PLCG2: variants seen among roughly 807,000 people sequenced by gnomAD.
The protein encoded by PLCG2 is phospholipase C gamma 2.
In PLCG2, 69 loss-of-function variants were observed where a neutral mutation model predicts 175.6. The ratio of observed to expected loss-of-function variants is 0.39; its 90% CI spans 0.32 to 0.48. The LOEUF (loss-of-function observed/expected upper bound fraction) is 0.48. PLCG2 is among the 20% of genes least tolerant of loss of function. PLCG2 has a pLI of 0.91. For synonymous variants in PLCG2, 827 were observed against 624.0 expected (o/e 1.33, Z -4.85); for missense variants, 1,798 against 1,650.9 (o/e 1.09, Z -1.54).
intron 12 of PLCG2, among the ~76,000 whole-genome samples, chr16:81,895,403 C>T (rs1223313673): frequency 3.3e-5 from 5 of 151,962 alleles, no homozygotes; most frequent in African/African-American, 1.2e-4. Context: ...TACTAAAATA[C>T]AAAAAAATTA....
chr16:81,826,837 G>A (rs182410245), intron 2 of PLCG2, among the ~76,000 whole-genome samples: 103 of 152,294 alleles, frequency 6.8e-4, no homozygotes, highest in Non-Finnish European at 1.2e-3. Flanking sequence ...CAAGGCTGCC[G>A]GAGACAATTT....
intron 2 of PLCG2, among the ~76,000 whole-genome samples, chr16:81,843,627 A>T (rs1210429260): frequency 6.6e-6 from 1 of 152,352 alleles, no homozygotes; most frequent in South Asian, 2.1e-4. Flanking sequence ...CCCATTGCTA[A>T]GCATGTTTGC....
intron 1 of PLCG2, among the ~76,000 whole-genome samples, chr16:81,782,118 C>T (rs1277855621): frequency 1.3e-5 from 2 of 152,012 alleles, no homozygotes; most frequent in African/African-American, 2.4e-5. Flanking sequence ...CCTCATGATC[C>T]GCCCACCTCG....
chr16:81,828,786 G>C (rs943721755), intron 2 of PLCG2, among the ~76,000 whole-genome samples: 1 of 152,196 alleles, frequency 6.6e-6, no homozygotes, highest in Non-Finnish European at 1.5e-5. Context: ...TGAGTGCCTG[G>C]TGAAGTCGGG....
rs543220131 is a variant in PLCG2 at position 81,750,663 on chromosome 16, A to ATTTTTTT, written c.-144-5191_-144-5185dup. Among the ~76,000 whole-genome samples, 35 of 68,456 alleles carry ATTTTTTT rather than the reference A, an allele frequency of 5.1e-4. 6 individuals carry two copies. The highest frequency in any genetic ancestry group is 1.4e-3 in the African/African-American group (28 of 19,854). The allele number at this position is 68,456 out of a possible 152,430, so 44.9% of individuals were successfully genotyped here. On this transcript the variant is annotated intron_variant, in intron 1 of 5. Transcript: ENST00000565054. ...TTAAAAAGCAGAATGGGGACTGGAG[A>ATTTTTTT]TTTTTTTTTTTTTTTTTTTTTTGAG...
At chr16:81,909,788 C>T (rs4369658) in intron 17 of PLCG2, among the ~76,000 whole-genome samples, 58,946 of 152,030 alleles carry the variant, frequency 0.39, 12,474 homozygotes, top group East Asian at 0.8. Context: ...GGGCAGTATT[C>T]GAGACACCTT....
intron 30 of PLCG2, among the ~76,000 whole-genome samples, chr16:81,943,197 C>T (rs964905711): frequency 6.6e-6 from 1 of 152,204 alleles, no homozygotes; most frequent in South Asian, 2.1e-4. Flanking sequence ...TTAGTCCGTT[C>T]TCACACTGCT....
chr16:81,940,661 C>G (rs1910903134), intron 30 of PLCG2, among the ~76,000 whole-genome samples: 1 of 152,154 alleles, frequency 6.6e-6, no homozygotes, highest in Non-Finnish European at 1.5e-5. Context: ...GTCATACGAC[C>G]AGCTCTTAAG....
At chr16:81,891,638 G>A (rs1470621367) in intron 11 of PLCG2, 48 bp downstream of exon 11, 2 of 1,091,266 alleles carry the variant, frequency 1.8e-6, no homozygotes, top group Non-Finnish European at 2.8e-6. Flanking sequence ...CAGAGCACGT[G>A]AGGGTTGAGG....
intron 2 of PLCG2, among the ~76,000 whole-genome samples, chr16:81,845,444 G>T (rs1182524616): frequency 6.6e-6 from 1 of 152,172 alleles, no homozygotes; most frequent in African/African-American, 2.4e-5. Flanking sequence ...CACTCCTGTT[G>T]TTCACATGAA....
At chr16:81,914,772 T>C (rs1484542565) in intron 19 of PLCG2, among the ~76,000 whole-genome samples, 1 of 152,136 alleles carries the variant, frequency 6.6e-6, no homozygotes, top group African/African-American at 2.4e-5. Flanking sequence ...TAACATTGGC[T>C]GGGATGTAGT....
chr16:81,811,170 C>T (rs974752527), intron 2 of PLCG2, among the ~76,000 whole-genome samples: 5 of 152,202 alleles, frequency 3.3e-5, no homozygotes, highest in Non-Finnish European at 7.3e-5. Flanking sequence ...CCTGGGCTTG[C>T]CTCCTGAGTC....
At chr16:81,817,173 C>T (rs1046206461) in intron 2 of PLCG2, among the ~76,000 whole-genome samples, 7 of 151,944 alleles carry the variant, frequency 4.6e-5, no homozygotes, top group African/African-American at 1.7e-4. Flanking sequence ...GAAGAGCGCA[C>T]ATGATGGGTG....
At chr16:81,779,510 A>T (rs1207900489) in intron 1 of PLCG2, 86 bp downstream of exon 1, 1 of 151,598 alleles carries the variant, frequency 6.6e-6, no homozygotes, top group Non-Finnish European at 1.5e-5. Context: ...GCTGCGTCCG[A>T]GGGGGTCTGC....
intron 2 of PLCG2, among the ~76,000 whole-genome samples, chr16:81,805,757 GTTTTGTTTTGTTTTTTTTTTTTTTTGT>G (rs1911979150): frequency 3.3e-5 from 2 of 60,218 alleles, no homozygotes; most frequent in African/African-American, 1.6e-4. Flanking sequence ...TGAGAGTAGT[GTTTTGTTTTGTTTTTTTTTTTTTTTGT>G]TTTTTTTTTT....
intron 2 of PLCG2, among the ~76,000 whole-genome samples, chr16:81,793,627 T>C (rs1469108595): frequency 3.9e-5 from 6 of 152,208 alleles, no homozygotes; most frequent in Non-Finnish European, 5.9e-5. Context: ...CTCAAACATA[T>C]GAGCTGTCTG....
chr16:81,952,097 T>C (rs757096107), intron 31 of PLCG2, among the ~76,000 whole-genome samples: 6 of 152,020 alleles, frequency 3.9e-5, no homozygotes, highest in Non-Finnish European at 8.8e-5. Flanking sequence ...ATAACACATT[T>C]AGGAGTAATT....
rs534145658 is a variant in PLCG2 at position 81,899,033 on chromosome 16, C to T, written c.1194-1579C>T. On this transcript the variant is annotated intron_variant, in intron 13 of 32. Transcript: ENST00000564138. ...TGAAACCCTATCTTTAGTAAAAATA[C>T]AAAAAATTAACTGGGCATGCTGGCA... Among the ~76,000 whole-genome samples, 8 of 151,914 alleles carry T rather than the reference C, an allele frequency of 5.3e-5. No homozygotes were observed. In the South Asian group the frequency reaches 1.2e-3, roughly 24 times the overall value.
At chr16:81,817,454 T>C (rs769222292) in intron 2 of PLCG2, among the ~76,000 whole-genome samples, 1 of 152,226 alleles carries the variant, frequency 6.6e-6, no homozygotes, top group Non-Finnish European at 1.5e-5. Context: ...CTGGAGTGCA[T>C]CGTCTTGAGG....
Sources: allele counts gnomAD v4.1 joint callset (sites outside exome capture counted in the v4.1 genomes callset), GRCh38; gene constraint gnomAD v4.1.1; transcripts MANE v1.5; gene names NCBI Gene and HGNC (gene_info 2026-07-23, HGNC 2026-07-21).